Variants in DNAH14 observed in about 807,000 individuals in gnomAD.
DNAH14 encodes dynein axonemal heavy chain 14.
A neutral mutation model predicts 520.9 loss-of-function variants in DNAH14; 478 were observed. The ratio of observed to expected loss-of-function variants is 0.92; its 90% CI spans 0.85 to 0.99. The LOEUF is 0.99. Among genes scored for constraint, DNAH14 ranks in the 50% least tolerant of loss-of-function variants. DNAH14 has a pLI of 0.00. For missense variants in DNAH14, 4,831 were observed against 5,234.5 expected (o/e 0.92, Z 2.38); for synonymous variants, 1,581 against 1,757.2 (o/e 0.90, Z 2.51).
chr1:225,089,464 A>AAAAAAAAAAAAAAG (rs775049047), intron 21 of DNAH14, among the ~76,000 whole-genome samples: 6 of 138,440 alleles, frequency 4.3e-5, no homozygotes, highest in Non-Finnish European at 6.3e-5. Flanking sequence ...AAAAAAAAAA[A>AAAAAAAAAAAAAAG]AGAGAGCGAG....
At chr1:225,229,157 C>G (rs1317605723) in intron 41 of DNAH14, among the ~76,000 whole-genome samples, 1 of 152,200 alleles carries the variant, frequency 6.6e-6, no homozygotes, top group Non-Finnish European at 1.5e-5. Context: ...CTGCTGGACT[C>G]TCATCTGCAG....
chr1:225,196,591 C>A lies in DNAH14; in HGVS notation c.5886+3680C>A, dbSNP rs538819277. Among the ~76,000 whole-genome samples the A allele has an allele frequency of 3.9e-4, 59 of 152,194 alleles. No homozygotes were observed. In the South Asian group the frequency reaches 9.5e-3, roughly 25 times the overall value. On this transcript the variant is annotated intron_variant, in intron 38 of 85. Transcript: ENST00000682510. ...ACTTTAGTTCTTTAAGAAATCTCCA[C>A]ACTGTTTTCCACAGTGGTTGTACTA... is the stretch of plus-strand genomic sequence containing the variant.
intron 73 of DNAH14, 101 bp from the exon 74 acceptor site, chr1:225,358,395 C>T: frequency 3.6e-6 from 4 of 1,112,546 alleles, no homozygotes; most frequent in Non-Finnish European, 4.9e-6. Context: ...GGCTGAAAAG[C>T]TAAAAAATGA....
chr1:224,978,797 C>A (rs1323451888), intron 8 of DNAH14, among the ~76,000 whole-genome samples: 1 of 151,992 alleles, frequency 6.6e-6, no homozygotes, highest in Non-Finnish European at 1.5e-5. Context: ...CACCACCATG[C>A]CCAGCTATTT....
Position 225,123,984 on chromosome 1 carries a change from C to A in DNAH14, c.4254+370C>A, listed in dbSNP as rs770763565. ...GCCAGGCTGGTCTTGAACTCCTGAC[C>A]TCAGGTGATCTGCCCACCTCAGCCT... On this transcript the variant is annotated intron_variant, in intron 27 of 85. Coordinates refer to ENST00000682510, the MANE Select transcript of DNAH14 (RefSeq NM_001367479.1). 1.9e-4 allele frequency among the ~76,000 whole-genome samples: 29 copies of A among 152,100 alleles called. 1 individual carries two copies. In the South Asian group the frequency reaches 5.0e-3, roughly 26 times the overall value.
intron 40 of DNAH14, 90 bp from the exon 41 acceptor site, chr1:225,206,878 C>A: frequency 1.8e-6 from 2 of 1,097,846 alleles, no homozygotes; most frequent in Non-Finnish European, 1.2e-6. Flanking sequence ...TATGAGAGGG[C>A]AGTGGTGAAG....
chr1:225,334,072 C>T (rs1426035103), intron 66 of DNAH14, among the ~76,000 whole-genome samples: 4 of 152,104 alleles, frequency 2.6e-5, no homozygotes, highest in Non-Finnish European at 5.9e-5. Flanking sequence ...TTTCATAATG[C>T]TACTAACCAA....
intron 1 of DNAH14, among the ~76,000 whole-genome samples, chr1:224,933,937 T>C (rs2058861187): frequency 6.6e-6 from 1 of 151,732 alleles, no homozygotes; most frequent in Non-Finnish European, 1.5e-5. Flanking sequence ...TAACGTTGTT[T>C]ACAGCCAAAG....
intron 11 of DNAH14, among the ~76,000 whole-genome samples, chr1:225,038,462 G>C (rs1026073884): frequency 2.0e-5 from 3 of 151,860 alleles, no homozygotes; most frequent in Non-Finnish European, 4.4e-5. Context: ...GGTATGAGGT[G>C]ATATAGTATC....
intron 10 of DNAH14, among the ~76,000 whole-genome samples, chr1:225,021,016 T>C (rs1221897625): frequency 2.0e-5 from 3 of 152,186 alleles, no homozygotes; most frequent in Non-Finnish European, 4.4e-5. Flanking sequence ...ATAAGTGTGA[T>C]TTATTATGTA....
chr1:225,348,619 G>A (rs534056821), intron 71 of DNAH14, among the ~76,000 whole-genome samples: 1 of 152,296 alleles, frequency 6.6e-6, no homozygotes, highest in African/African-American at 2.4e-5. Context: ...TACTGTATGT[G>A]TCAAAACTGC....
At position 225,206,127 on chromosome 1, in the gene DNAH14, ATCTC is replaced by A; in HGVS notation, c.6139_6142del (p.Ser2047ArgfsTer31). The A allele has an allele frequency of 1.3e-6, 2 of 1,551,434 alleles. No homozygotes were observed. The highest frequency in any genetic ancestry group is 1.7e-6 in the Non-Finnish European group (2 of 1,146,806). On this transcript the variant is annotated frameshift_variant, in exon 40 of 86. Coordinates refer to ENST00000682510, the MANE Select transcript of DNAH14 (RefSeq NM_001367479.1). LOFTEE classifies it high-confidence loss of function. ...ATAAGAGTGATTTTTGAAGTGGACA[ATCTC>A]TCTCAGGCCAGTCCTGCTACTGTCA... is the stretch of plus-strand genomic sequence containing the variant.
In DNAH14 at chr1:225,364,858, T is replaced by G. The variant is rs1296700920; in HGVS notation, c.12054T>G (p.Ser4018Arg). The part of the protein sequence containing the change: ...FRLWLSSKSY[S>R]SFPIPVLKKG... ...TATGGTTAAGCTCAAAATCATACAGTTCTTTTCCAATTCCTGTTCTTAAAA... is the reference window on the plus strand; with the variant it reads ...TATGGTTAAGCTCAAAATCATACAGGTCTTTTCCAATTCCTGTTCTTAAAA... The change falls in exon 76 of 86, where the codon AGT becomes AGG. Residue 4018 changes from serine to arginine, a missense_variant. By Grantham distance (110) the Ser-to-Arg change is moderately radical (BLOSUM62 -1). Transcript: ENST00000682510. The G allele has an allele frequency of 1.3e-6, 2 of 1,548,522 alleles. No homozygotes were observed. The highest frequency in any genetic ancestry group is 2.4e-5 in the South Asian group (2 of 83,736).
At chr1:224,942,448 A>G (rs533044878) in intron 1 of DNAH14, among the ~76,000 whole-genome samples, 1 of 152,272 alleles carries the variant, frequency 6.6e-6, no homozygotes, top group South Asian at 2.1e-4. Flanking sequence ...TGTCATCTGT[A>G]AACAGGGACA....
chr1:225,166,507 G>A (rs2082058968), intron 35 of DNAH14, among the ~76,000 whole-genome samples: 2 of 152,160 alleles, frequency 1.3e-5, no homozygotes, highest in Admixed American at 1.3e-4. Flanking sequence ...AATTTGGAGT[G>A]ATCCAATTTT....
In DNAH14 at chr1:225,377,371, C is replaced by T. The variant is rs3856155; in HGVS notation, c.12651C>T (p.Gly4217=). 0.58 allele frequency: 896,175 copies of T among 1,549,410 alleles called. 267,068 individuals are homozygous for T. The highest frequency in any genetic ancestry group is 0.75 in the East Asian group (30,634 of 40,868). ...EAIRSCWETQ[G]EKFIENLIAM... ...TCAGGAGCTGCTGGGAGACCCAGGG[C>T]GAAAAGTTTATTGAAAATCTGATTG... The change falls in exon 79 of 86, where the codon GGC becomes GGT. Residue 4217 remains glycine (G), a synonymous_variant. Transcript: ENST00000682510.
At position 225,232,715 on chromosome 1, in the gene DNAH14, A is replaced by T. The variant is rs528293044; in HGVS notation, c.6518+1564A>T. On this transcript the variant is annotated intron_variant, in intron 42 of 85. Coordinates refer to ENST00000682510, the MANE Select transcript of DNAH14 (RefSeq NM_001367479.1). The surrounding 1 kb of genome is among the most constrained non-coding windows in gnomAD (Gnocchi z 4.2). ...CAAATATCACCGATTCTTTGGTCTC[A>T]ATTAAATGGTTACTTCTTCAAAGAT... Among the ~76,000 whole-genome samples the T allele has an allele frequency of 1.3e-5, 2 of 152,298 alleles. No homozygotes were observed. The highest frequency in any genetic ancestry group is 2.9e-5 in the Non-Finnish European group (2 of 68,024).
At chr1:225,244,146 G>A (rs555521216) in intron 43 of DNAH14, among the ~76,000 whole-genome samples, 2 of 151,982 alleles carry the variant, frequency 1.3e-5, no homozygotes, top group African/African-American at 4.8e-5. Context: ...GATGGATTAC[G>A]TTTATTGATT....
intron 51 of DNAH14, among the ~76,000 whole-genome samples, 176 bp from the exon 52 acceptor site, chr1:225,272,779 T>C (rs1213855655): frequency 6.6e-6 from 1 of 152,148 alleles, no homozygotes; most frequent in African/African-American, 2.4e-5. Flanking sequence ...TTCCCTATCT[T>C]ATCACTTTCC....
Sources: gnomAD v4.1 joint callset for allele counts (sites outside exome capture counted in the v4.1 genomes callset) on GRCh38, gnomAD v4.1.1 for gene constraint, Gnocchi (gnomAD v3.1) non-coding constraint, MANE v1.5 for transcripts, NCBI Gene and HGNC (gene_info 2026-07-23, HGNC 2026-07-21) for gene names.